Variants in PARP6 observed in about 807,000 individuals in gnomAD.
The protein encoded by PARP6 is protein mono-ADP-ribosyltransferase PARP6.
Under a neutral mutation model 92.0 loss-of-function variants are expected in PARP6, and 27 were observed. That is an observed-to-expected ratio of 0.29 (90% CI 0.22 to 0.40). The LOEUF is 0.40. Ranked by LOEUF, PARP6 falls within the 10% of genes least tolerant of loss-of-function variation. PARP6 has a pLI of 1.00. For missense variants in PARP6, 501 were observed against 784.5 expected (o/e 0.64, Z 4.32); for synonymous variants, 272 against 281.2 (o/e 0.97, Z 0.33).
chr15:72,253,373 G>C, intron 16 of PARP6, 64 bp downstream of exon 16: 1 of 1,287,744 alleles, frequency 7.8e-7, no homozygotes, highest in South Asian at 1.2e-5. Context: ...GAAGGTACAG[G>C]TTCCATGTCC....
intron 8 of PARP6, among the ~76,000 whole-genome samples, chr15:72,262,348 C>T (rs1487454480): frequency 6.6e-6 from 1 of 152,112 alleles, no homozygotes; most frequent in Non-Finnish European, 1.5e-5. Flanking sequence ...ATTTTCCAAC[C>T]CTACTATAAA....
At position 72,246,912 on chromosome 15, in the gene PARP6, G is replaced by A. The variant is rs62022785; in HGVS notation, c.1561+2333C>T. On this transcript the variant is annotated intron_variant, in intron 20 of 23. Coordinates refer to ENST00000569795, the MANE Select transcript of PARP6 (RefSeq NM_001323532.2). ...TAGGATTACAGGCATGTGCCACCACGCCTGGCTAATTTTCTTTGTATTTTT... is the reference window on the plus strand; with the variant it reads ...TAGGATTACAGGCATGTGCCACCACACCTGGCTAATTTTCTTTGTATTTTT... 2.8e-4 allele frequency among the ~76,000 whole-genome samples: 43 copies of A among 151,990 alleles called. No homozygotes were observed. The South Asian group carries it at 6.0e-3, about 21-fold the overall frequency.
Position 72,265,400 on chromosome 15 carries a change from T to C in PARP6, c.237+13A>G. On this transcript the variant is annotated intron_variant, in intron 6 of 23. Coordinates refer to ENST00000569795, the MANE Select transcript of PARP6 (RefSeq NM_001323532.2). ...AGCTAGACATGTTGTTGGCAGGTACTAGCCCCACTTACATCGAGGAAGCTG... is the reference window on the plus strand; with the variant it reads ...AGCTAGACATGTTGTTGGCAGGTACCAGCCCCACTTACATCGAGGAAGCTG... 3 of 1,609,526 alleles carry C rather than the reference T, an allele frequency of 1.9e-6. No homozygotes were observed. Among genetic ancestry groups the C allele is most frequent in the South Asian group, 2.2e-5 (2 of 90,958 alleles).
intron 17 of PARP6, 46 bp downstream of exon 17, chr15:72,251,161 C>T (rs1180587752): frequency 3.1e-6 from 4 of 1,310,714 alleles, no homozygotes; most frequent in Non-Finnish European, 4.4e-6. Flanking sequence ...CCCTCCCTGC[C>T]CCTCACCAGA....
intron 4 of PARP6, among the ~76,000 whole-genome samples, chr15:72,266,226 G>T (rs1012383790): frequency 6.6e-6 from 1 of 152,148 alleles, no homozygotes; most frequent in Non-Finnish European, 1.5e-5. Flanking sequence ...CCAAATGTAG[G>T]CTTTTGCTTG....
At chr15:72,251,072 T>C (rs1054414288) in intron 17 of PARP6, 118 bp from the exon 18 acceptor site, 9 of 984,456 alleles carry the variant, frequency 9.1e-6, no homozygotes, top group Non-Finnish European at 1.5e-5. Context: ...AAGGGAAATA[T>C]GCTAAGGCCC....
At chr15:72,262,871 A>C (rs1270006772) in intron 8 of PARP6, among the ~76,000 whole-genome samples, 2 of 152,092 alleles carry the variant, frequency 1.3e-5, no homozygotes, top group African/African-American at 4.8e-5. Flanking sequence ...TGAGTGTTTA[A>C]GGGTATTTTG....
intron 10 of PARP6, among the ~76,000 whole-genome samples, chr15:72,260,060 G>A (rs1460942588): frequency 6.6e-6 from 1 of 152,228 alleles, no homozygotes; most frequent in African/African-American, 2.4e-5. Flanking sequence ...GGTGGCTCGT[G>A]CCTGTAATCC....
At chr15:72,266,063 AATATGAAAAGAC>A (rs1174049501) in intron 4 of PARP6, 72 bp from the exon 5 acceptor site, 3 of 1,053,894 alleles carry the variant, frequency 2.8e-6, no homozygotes, top group African/African-American at 3.1e-5. Flanking sequence ...TAATAAAAAG[AATATGAAAAGAC>A]ACCAGGAACA....
chr15:72,267,355 A>G, intron 3 of PARP6, 120 bp downstream of exon 3: 1 of 1,109,328 alleles, frequency 9.0e-7, no homozygotes, highest in Non-Finnish European at 1.4e-6. Context: ...CTTTAACTTC[A>G]AATAGCCACT....
At chr15:72,247,030 T>C (rs1176778581) in intron 20 of PARP6, among the ~76,000 whole-genome samples, 2 of 152,240 alleles carry the variant, frequency 1.3e-5, no homozygotes, top group African/African-American at 2.4e-5. Flanking sequence ...AGTGCTGGGA[T>C]TACAGGCGTG....
intron 2 of PARP6, among the ~76,000 whole-genome samples, chr15:72,268,762 C>T (rs1051557908): frequency 6.6e-6 from 1 of 152,152 alleles, no homozygotes; most frequent in Non-Finnish European, 1.5e-5. Flanking sequence ...GTTGTCATTG[C>T]CAAAATAATG....
chr15:72,251,565 G>C (rs1596989395), intron 16 of PARP6, among the ~76,000 whole-genome samples: 1 of 151,914 alleles, frequency 6.6e-6, no homozygotes, highest in East Asian at 1.9e-4. Flanking sequence ...AGAACAAAAG[G>C]AAGAGCACAG....
chr15:72,244,609 T>C (rs2083397933), intron 20 of PARP6: 1 of 152,080 alleles, frequency 6.6e-6, no homozygotes, highest in South Asian at 2.1e-4. Flanking sequence ...CTAAAGATAG[T>C]GTGAGAAAGA....
At chr15:72,248,063 GC>G (rs1409975392) in intron 20 of PARP6, among the ~76,000 whole-genome samples, 1 of 152,132 alleles carries the variant, frequency 6.6e-6, no homozygotes, top group Non-Finnish European at 1.5e-5. Flanking sequence ...GAGCCACCGT[GC>G]CCCGCCTTAT....
rs926556889 is a variant in PARP6, at chr15:72,256,548, A to C, written c.1042T>G (p.Ser348Ala). The change falls in exon 14 of 24, where the codon TCC becomes GCC. Residue 348 changes from serine (S) to alanine (A), a missense_variant. By Grantham distance (99) the Ser-to-Ala change is moderately conservative. Coordinates refer to ENST00000569795, the MANE Select transcript of PARP6 (RefSeq NM_001323532.2). ...LVAMCRAALESPRKSIIFEPY... is the reference protein window; with the variant it reads ...LVAMCRAALEAPRKSIIFEPY... ...TCAAAGATGATGCTCTTTCTAGGGG[A>C]CTCTAAAGCTGCCCTACACATGGCC... The C allele has an allele frequency of 1.9e-6, 3 of 1,589,080 alleles. No individual in the cohort carries two copies. The highest frequency in any genetic ancestry group is 1.4e-5 in the African/African-American group (1 of 73,094).
intron 20 of PARP6, chr15:72,243,013 T>C: frequency 3.2e-6 from 1 of 311,832 alleles, no homozygotes; most frequent in East Asian, 6.0e-5. Flanking sequence ...AAGAGTTAAT[T>C]AAATAAACAG....
chr15:72,256,088 C>T (rs936447035), intron 14 of PARP6, among the ~76,000 whole-genome samples: 1 of 152,114 alleles, frequency 6.6e-6, no homozygotes, highest in Non-Finnish European at 1.5e-5. Flanking sequence ...TGAGCCACCG[C>T]GCCCAGCCTA....
Position 72,242,152 on chromosome 15 carries a change from C to T in PARP6, c.1705+5G>A. 6.2e-7 allele frequency: 1 copy of T among 1,612,966 alleles called. No individual in the cohort carries two copies. The highest frequency in any genetic ancestry group is 8.5e-7 in the Non-Finnish European group (1 of 1,178,902). On this transcript the variant is annotated splice_donor_5th_base_variant and intron_variant, in intron 22 of 23. Transcript: ENST00000569795. The surrounding 1 kb of genome is among the most constrained non-coding windows in gnomAD (Gnocchi z 4.3). ...AGAAAAACAGGACATGGGCAAGCTA[C>T]CTACCTTCACAAAGTGCTATACAGT... is the stretch of plus-strand genomic sequence containing the variant.
Sources: allele counts gnomAD v4.1 joint callset (sites outside exome capture counted in the v4.1 genomes callset), GRCh38; gene constraint gnomAD v4.1.1; non-coding constraint Gnocchi (gnomAD v3.1); transcripts MANE v1.5; gene names NCBI Gene and HGNC (gene_info 2026-07-23, HGNC 2026-07-21).